Variants in CNTNAP2 observed in about 807,000 individuals in gnomAD.
CNTNAP2 encodes contactin associated protein 2, also known as contactin-associated protein-like 2.
CNTNAP2 carries 98 observed loss-of-function variants against 155.2 expected under a neutral mutation model. That is an observed-to-expected ratio of 0.63 (90% confidence interval 0.54 to 0.75). CNTNAP2 has a LOEUF of 0.75. CNTNAP2 is among the 30% of genes least tolerant of loss of function. CNTNAP2 has a pLI of 0.00. For missense variants in CNTNAP2, 1,727 were observed against 1,688.1 expected, an observed-to-expected ratio of 1.02 and a Z score of -0.40; for synonymous variants, 651 against 631.2, an observed-to-expected ratio of 1.03 and a Z score of -0.47.
chr7:147,470,191 G>A (rs1263510450), intron 10 of CNTNAP2, among the ~76,000 whole-genome samples: 2 of 152,200 alleles, frequency 1.3e-5, no homozygotes, highest in Non-Finnish European at 2.9e-5. Flanking sequence ...TGGGTGAGAA[G>A]AGACACAGAT....
chr7:146,500,802 T>A (rs114502809), intron 1 of CNTNAP2, among the ~76,000 whole-genome samples: 2 of 152,204 alleles, frequency 1.3e-5, no homozygotes, highest in Admixed American at 6.5e-5. Context: ...TTGTTCCTAA[T>A]CTTCAAAGAA....
At position 147,605,768 on chromosome 7, in the gene CNTNAP2, A is replaced by G. The variant is rs536447652; in HGVS notation, c.1898-33338A>G. Among the ~76,000 whole-genome samples, 273 of 152,256 alleles carry G rather than the reference A, an allele frequency of 1.8e-3. 1 individual carries two copies. The highest frequency in any genetic ancestry group is 6.2e-3 in the African/African-American group (259 of 41,550). On this transcript the variant is annotated intron_variant, in intron 12 of 23. Transcript: ENST00000361727. ...GGGGCAAGAAACGGAACAGAAGAGCAGAGAGAACTTGGTTCTCCTTCAGTT... is the reference window on the plus strand; with the variant it reads ...GGGGCAAGAAACGGAACAGAAGAGCGGAGAGAACTTGGTTCTCCTTCAGTT...
chr7:146,180,472 G>C (rs917848645), intron 1 of CNTNAP2, among the ~76,000 whole-genome samples: 1 of 151,668 alleles, frequency 6.6e-6, no homozygotes, highest in Non-Finnish European at 1.5e-5. Context: ...TTATAAATAT[G>C]TTTCATTTAA....
chr7:147,976,003 T>C (rs891553142), intron 14 of CNTNAP2, among the ~76,000 whole-genome samples: 1 of 152,062 alleles, frequency 6.6e-6, no homozygotes, highest in African/African-American at 2.4e-5. Context: ...CCTCTGTAGT[T>C]GCATCATACA....
chr7:147,148,376 C>T (rs1011235796), intron 8 of CNTNAP2, among the ~76,000 whole-genome samples: 3 of 121,310 alleles, frequency 2.5e-5, no homozygotes, highest in African/African-American at 6.5e-5. Context: ...GGCGACAGAG[C>T]GAGACTCCGT....
chr7:147,816,725 T>G (rs931333354), intron 13 of CNTNAP2, among the ~76,000 whole-genome samples: 1 of 150,204 alleles, frequency 6.7e-6, no homozygotes, highest in Non-Finnish European at 1.5e-5. Flanking sequence ...AATCACTTGA[T>G]GATGAATAGC....
intron 16 of CNTNAP2, among the ~76,000 whole-genome samples, chr7:148,141,944 G>T (rs987984898): frequency 1.3e-5 from 2 of 152,162 alleles, no homozygotes; most frequent in Non-Finnish European, 2.9e-5. Context: ...ACTAAGAGGA[G>T]TGGAAATAGA....
At chr7:146,517,068 C>G (rs867088680) in intron 1 of CNTNAP2, among the ~76,000 whole-genome samples, 1 of 151,958 alleles carries the variant, frequency 6.6e-6, no homozygotes, top group African/African-American at 2.4e-5. Flanking sequence ...TCCTATGCTG[C>G]TCTAAGCACG....
At chr7:147,899,359 A>G (rs1799825510) in intron 13 of CNTNAP2, among the ~76,000 whole-genome samples, 1 of 152,130 alleles carries the variant, frequency 6.6e-6, no homozygotes, top group Non-Finnish European at 1.5e-5. Context: ...AATAAAATAT[A>G]AAGTAGTCAA....
rs576782122 is a variant in CNTNAP2 at position 146,937,369 on chromosome 7, T to A, written c.402+97465T>A. 4.9e-3 allele frequency among the ~76,000 whole-genome samples: 712 copies of A among 145,618 alleles called. 1 individual carries two copies. Among genetic ancestry groups the A allele is most frequent in the Non-Finnish European group, 7.2e-3 (477 of 66,612 alleles). ...CTTGTCTCAAAAAAAAAAATAAAAA[T>A]AAAATAAAATAAAATAAATAAAAGC... On this transcript the variant is annotated intron_variant, in intron 3 of 23. Transcript: ENST00000361727.
intron 2 of CNTNAP2, among the ~76,000 whole-genome samples, chr7:146,838,007 T>G (rs1435805861): frequency 6.6e-6 from 1 of 152,206 alleles, no homozygotes; most frequent in African/African-American, 2.4e-5. Flanking sequence ...GAGTCCAGAT[T>G]GCAGAGACAC....
At chr7:147,556,230 C>T (rs949663696) in intron 11 of CNTNAP2, among the ~76,000 whole-genome samples, 3 of 151,790 alleles carry the variant, frequency 2.0e-5, no homozygotes, top group Non-Finnish European at 4.4e-5. Flanking sequence ...TCATCCACAA[C>T]ACTGGAAGCA....
intron 1 of CNTNAP2, among the ~76,000 whole-genome samples, chr7:146,710,515 G>A (rs904285709): frequency 3.3e-5 from 5 of 152,098 alleles, no homozygotes; most frequent in East Asian, 1.9e-4. Flanking sequence ...TATCCTCCTT[G>A]TAGTTTTGTC....
chr7:147,620,951 T>G (rs2116892276), intron 12 of CNTNAP2, among the ~76,000 whole-genome samples: 1 of 151,992 alleles, frequency 6.6e-6, no homozygotes, highest in South Asian at 2.1e-4. Context: ...CTCCAAAAGG[T>G]CAAGGATAAA....
At chr7:147,459,380 G>T (rs1241552200) in intron 10 of CNTNAP2, among the ~76,000 whole-genome samples, 1 of 152,046 alleles carries the variant, frequency 6.6e-6, no homozygotes. Flanking sequence ...CTTTACCTAT[G>T]ACAGAATGGT....
chr7:146,632,317 TTGTTATTTTACAGTAAGAAAATGTTCA>T (rs1211420440), intron 1 of CNTNAP2, among the ~76,000 whole-genome samples: 1 of 152,198 alleles, frequency 6.6e-6, no homozygotes, highest in Admixed American at 6.5e-5. Context: ...GAATATATTT[TTGTTATTTTACAGTAAGAAAATGTTCA>T]TGTTAAAACT....
At chr7:147,694,778 C>A (rs1447199602) in intron 13 of CNTNAP2, among the ~76,000 whole-genome samples, 1 of 152,024 alleles carries the variant, frequency 6.6e-6, no homozygotes, top group African/African-American at 2.4e-5. Flanking sequence ...TTTTGAAGAA[C>A]CTGTTTTCAG....
intron 8 of CNTNAP2, among the ~76,000 whole-genome samples, chr7:147,297,628 T>C (rs1367748416): frequency 6.6e-6 from 1 of 152,178 alleles, no homozygotes; most frequent in Non-Finnish European, 1.5e-5. Flanking sequence ...TGACACATCT[T>C]AGTTCACCAA....
At chr7:148,362,570 A>G (rs1270170160) in intron 21 of CNTNAP2, among the ~76,000 whole-genome samples, 1 of 152,198 alleles carries the variant, frequency 6.6e-6, no homozygotes, top group Non-Finnish European at 1.5e-5. Flanking sequence ...GGCTTATTAA[A>G]GGGCATAGTG....
Sources: allele counts gnomAD v4.1 joint callset (sites outside exome capture counted in the v4.1 genomes callset), GRCh38; gene constraint gnomAD v4.1.1; transcripts MANE v1.5; gene names NCBI Gene and HGNC (gene_info 2026-07-23, HGNC 2026-07-21).